LMBR1: variants seen among roughly 807,000 people sequenced by gnomAD.
The protein encoded by LMBR1 is limb region 1 protein homolog.
In LMBR1, 52 loss-of-function variants were observed where a neutral mutation model predicts 73.9. The observed-to-expected ratio is 0.70, with a 90% confidence interval of 0.56 to 0.89. LMBR1 has a LOEUF of 0.89. LMBR1 is among the 40% of genes least tolerant of loss of function. LMBR1 has a pLI of 0.00. For missense variants in LMBR1, 539 were observed against 579.8 expected (o/e 0.93, Z 0.72); for synonymous variants, 215 against 209.4 (o/e 1.03, Z -0.23).
At chr7:156,695,533 C>T (rs573562271) in intron 15 of LMBR1, among the ~76,000 whole-genome samples, 20 of 152,098 alleles carry the variant, frequency 1.3e-4, no homozygotes, top group African/African-American at 4.6e-4. Flanking sequence ...GGTGCAGGAG[C>T]AAAGGGTTGG....
intron 4 of LMBR1, among the ~76,000 whole-genome samples, chr7:156,808,985 T>C (rs1445118734): frequency 6.6e-6 from 1 of 152,238 alleles, no homozygotes; most frequent in East Asian, 1.9e-4. Flanking sequence ...CTTGTACATC[T>C]ATAATAAAAT....
At chr7:156,875,366 G>C (rs1800002269) in intron 1 of LMBR1, among the ~76,000 whole-genome samples, 1 of 152,224 alleles carries the variant, frequency 6.6e-6, no homozygotes, top group Admixed American at 6.5e-5. Context: ...TGAGGAAGGA[G>C]AGAAATCTAA....
intron 4 of LMBR1, chr7:156,823,404 G>A (rs1835115621): frequency 6.6e-6 from 1 of 152,088 alleles, no homozygotes; most frequent in East Asian, 1.9e-4. Flanking sequence ...ATACTCATTA[G>A]CCTAATAATT....
At chr7:156,696,191 T>G (rs545313506) in intron 15 of LMBR1, among the ~76,000 whole-genome samples, 1 of 152,290 alleles carries the variant, frequency 6.6e-6, no homozygotes, top group Non-Finnish European at 1.5e-5. Flanking sequence ...GCACAATCCA[T>G]AAAAGAAAAT....
chr7:156,727,809 T>C (rs1816065833), intron 12 of LMBR1, 121 bp downstream of exon 12: 2 of 481,134 alleles, frequency 4.2e-6, no homozygotes, highest in Non-Finnish European at 7.0e-6. Context: ...AAGAAATTCA[T>C]ACAACTTGAA....
downstream of LMBR1, chr7:156,676,005 G>A: frequency 1.1e-6 from 1 of 907,144 alleles, no homozygotes; most frequent in East Asian, 2.6e-5. Flanking sequence ...TGGAGGCTGT[G>A]GGGGTGGCAT....
intron 15 of LMBR1, among the ~76,000 whole-genome samples, chr7:156,710,775 C>T (rs1811914845): frequency 6.6e-6 from 1 of 152,126 alleles, no homozygotes; most frequent in Non-Finnish European, 1.5e-5. Context: ...GAAACAAAAG[C>T]ATCAGGTAAT....
Position 156,725,457 on chromosome 7 carries a change from T to C in LMBR1, c.1136A>G (p.Lys379Arg), listed in dbSNP as rs774015482. 1.9e-6 allele frequency: 3 copies of C among 1,609,210 alleles called. No individual in the cohort carries two copies. The African/African-American group carries it at 4.0e-5, about 22-fold the overall frequency. ...TACCTTTGTCATAGTTGTGTCATCT[T>C]TCTTGGGAGTAAAGTTTCCAAAAAA... ...LRFFGNFTPK[K>R]DDTTMTKIIG... The change falls in exon 14 of 17, where the codon AAA becomes AGA. Residue 379 changes from lysine to arginine, a missense_variant. Transcript: ENST00000353442.
chr7:156,723,337 T>C (rs991133176), intron 15 of LMBR1, among the ~76,000 whole-genome samples: 1 of 152,138 alleles, frequency 6.6e-6, no homozygotes, highest in African/African-American at 2.4e-5. Context: ...TATGAGCAAG[T>C]AGCTAAAATT....
chr7:156,710,574 G>T (rs995970412), intron 15 of LMBR1, among the ~76,000 whole-genome samples: 1 of 152,194 alleles, frequency 6.6e-6, no homozygotes, highest in Non-Finnish European at 1.5e-5. Flanking sequence ...TGAGGAAGAA[G>T]AGAAATCTAA....
chr7:156,889,327 CA>C (rs566015136), intron 1 of LMBR1, among the ~76,000 whole-genome samples: 1 of 151,522 alleles, frequency 6.6e-6, no homozygotes, highest in Non-Finnish European at 1.5e-5. Flanking sequence ...TATTTAACGC[CA>C]CTGAACTGTA....
downstream of LMBR1, chr7:156,676,511 A>G (rs1160146363): frequency 6.2e-7 from 1 of 1,613,828 alleles, no homozygotes; most frequent in African/African-American, 1.3e-5. Flanking sequence ...GGCGTTCCAG[A>G]GAGATGGCCC....
At chr7:156,883,498 A>T (rs372913595) in intron 1 of LMBR1, among the ~76,000 whole-genome samples, 1 of 152,178 alleles carries the variant, frequency 6.6e-6, no homozygotes, top group African/African-American at 2.4e-5. Context: ...ACAACTATGG[A>T]GTGGTAAGAT....
chr7:156,821,953 ATATT>A (rs1224441813), intron 4 of LMBR1, among the ~76,000 whole-genome samples: 1 of 152,234 alleles, frequency 6.6e-6, no homozygotes, highest in Non-Finnish European at 1.5e-5. Context: ...TCCCCACCAA[ATATT>A]TATTTATTTA....
intron 5 of LMBR1, among the ~76,000 whole-genome samples, chr7:156,779,173 AT>A (rs1219059045): frequency 8.5e-5 from 13 of 152,188 alleles, no homozygotes; most frequent in African/African-American, 3.1e-4. Context: ...AGATTATGTC[AT>A]ATATCACCAG....
intron 5 of LMBR1, among the ~76,000 whole-genome samples, chr7:156,770,229 G>C (rs951799936): frequency 6.6e-6 from 1 of 151,882 alleles, no homozygotes; most frequent in African/African-American, 2.4e-5. Context: ...ATGTTTCCCA[G>C]GCTGGTCTCT....
chr7:156,766,286 T>C (rs1824064455), intron 5 of LMBR1, among the ~76,000 whole-genome samples: 1 of 152,046 alleles, frequency 6.6e-6, no homozygotes, highest in Admixed American at 6.5e-5. Context: ...GGTAGCACAA[T>C]GTTCACCTCC....
intron 1 of LMBR1, among the ~76,000 whole-genome samples, chr7:156,839,455 A>G (rs1586151576): frequency 6.6e-6 from 1 of 152,202 alleles, no homozygotes; most frequent in South Asian, 2.1e-4. Flanking sequence ...ATCTCGTTAC[A>G]GTCAAAGACT....
chr7:156,774,607 A>G (rs1319819063), intron 5 of LMBR1, among the ~76,000 whole-genome samples: 1 of 152,148 alleles, frequency 6.6e-6, no homozygotes, highest in Non-Finnish European at 1.5e-5. Context: ...TGAGGTGGGC[A>G]GATCATCTGA....
Sources: gnomAD v4.1 joint callset for allele counts (sites outside exome capture counted in the v4.1 genomes callset) on GRCh38, gnomAD v4.1.1 for gene constraint, MANE v1.5 for transcripts, NCBI Gene and HGNC (gene_info 2026-07-23, HGNC 2026-07-21) for gene names.